CSMD1: variants seen among roughly 807,000 people sequenced by gnomAD.
CSMD1 encodes CUB and Sushi multiple domains 1.
CSMD1 carries 213 observed loss-of-function variants against 417.5 expected under a neutral mutation model. The observed-to-expected ratio is 0.51, with a 90% CI of 0.46 to 0.57. The LOEUF (loss-of-function observed/expected upper bound fraction) is 0.57, where lower values mean the gene tolerates loss of function less well. Among genes scored for constraint, CSMD1 ranks in the 20% least tolerant of loss-of-function variants. The probability of loss-of-function intolerance (pLI) is 0.00; values close to 1 mark genes in which losing one functional copy is unlikely to be tolerated. For missense variants in CSMD1, 6,923 were observed against 4,529.7 expected (o/e 1.53, Z -15.17); for synonymous variants, 2,862 against 1,736.8 (o/e 1.65, Z -16.11).
At chr8:3,753,834 A>C in intron 6 of CSMD1, 96 bp downstream of exon 6, 1 of 749,714 alleles carries the variant, frequency 1.3e-6, no homozygotes, top group East Asian at 2.8e-5. Flanking sequence ...ACCATTTTCA[A>C]GCTATTTATC....
chr8:4,574,770 A>G (rs1376379959), intron 2 of CSMD1, among the ~76,000 whole-genome samples: 2 of 152,204 alleles, frequency 1.3e-5, no homozygotes, highest in African/African-American at 4.8e-5. Context: ...AGCACAATGA[A>G]AGCAACACTC....
chr8:3,345,649 T>A (rs12546513), intron 22 of CSMD1, among the ~76,000 whole-genome samples: 1 of 152,060 alleles, frequency 6.6e-6, no homozygotes, highest in Non-Finnish European at 1.5e-5. Flanking sequence ...TTAGAGAAAG[T>A]CTTTGGGATT....
intron 5 of CSMD1, among the ~76,000 whole-genome samples, chr8:3,991,958 T>C (rs1046618469): frequency 4.9e-4 from 74 of 151,500 alleles, no homozygotes; most frequent in African/African-American, 1.7e-3. Flanking sequence ...CACTCGGTGA[T>C]TATTAAATGT....
intron 26 of CSMD1, among the ~76,000 whole-genome samples, chr8:3,252,648 C>T (rs932078517): frequency 6.6e-6 from 1 of 152,190 alleles, no homozygotes; most frequent in Non-Finnish European, 1.5e-5. Context: ...AGCAGTTCCT[C>T]CTTATACCTC....
At chr8:3,171,291 A>G (rs1295553568) in intron 37 of CSMD1, among the ~76,000 whole-genome samples, 3 of 152,250 alleles carry the variant, frequency 2.0e-5, no homozygotes, top group Admixed American at 6.5e-5. Flanking sequence ...AACAGGAAGT[A>G]AAGAATAGAC....
At position 3,848,335 on chromosome 8, in the gene CSMD1, G is replaced by A. The variant is rs981369994; in HGVS notation, c.819-94293C>T. On this transcript the variant is annotated intron_variant, in intron 5 of 69. Transcript: ENST00000635120. ...AACAGAGATCACCACATCAAAAGGA[G>A]CAATCTTATTAAAGAGAGTAACTAG... Among the ~76,000 whole-genome samples, 3 of 152,090 alleles carry A rather than the reference G, an allele frequency of 2.0e-5. No homozygotes were observed. The South Asian group carries it at 6.2e-4, about 32-fold the overall frequency.
intron 3 of CSMD1, among the ~76,000 whole-genome samples, chr8:4,098,259 C>A (rs1035943577): frequency 7.2e-5 from 11 of 152,120 alleles, no homozygotes; most frequent in African/African-American, 2.7e-4. Flanking sequence ...CAATGTACTT[C>A]AGATGTAATG....
intron 2 of CSMD1, among the ~76,000 whole-genome samples, chr8:4,475,515 AC>A (rs1410583039): frequency 6.6e-6 from 1 of 152,170 alleles, no homozygotes; most frequent in African/African-American, 2.4e-5. Context: ...AAAAACATGG[AC>A]TCAGAGATAA....
chr8:4,453,810 GTTTCT>G (rs1585102548), intron 2 of CSMD1, among the ~76,000 whole-genome samples: 7 of 93,016 alleles, frequency 7.5e-5, no homozygotes, highest in African/African-American at 7.8e-5. Context: ...TGCGCAATTC[GTTTCT>G]TTTTTTTTTT....
chr8:3,508,994 T>A (rs1796951333), intron 10 of CSMD1, among the ~76,000 whole-genome samples: 1 of 152,204 alleles, frequency 6.6e-6, no homozygotes, highest in Non-Finnish European at 1.5e-5. Context: ...AATATCTCAG[T>A]GCAAATCCCA....
In CSMD1 at chr8:4,419,917, AGTGAATGCATGT is replaced by A; in HGVS notation, c.415+24_415+35del. 3.8e-6 allele frequency: 5 copies of A among 1,303,996 alleles called. No individual in the cohort carries two copies. In the South Asian group the frequency reaches 6.3e-5, roughly 16 times the overall value. 80.8% of individuals were successfully genotyped at this position (1,303,996 alleles called of 1,614,324 possible). A position where few individuals can be genotyped will look rare whatever the true frequency, so the allele number is the denominator to read the frequency against. On this transcript the variant is annotated intron_variant, in intron 3 of 69. Transcript: ENST00000635120. ...GTAGCATGTATTAGATCATTTGGAC[AGTGAATGCATGT>A]GCAAAACACAACCAATCTCCTACCT...
In CSMD1 at chr8:3,933,015, C is replaced by A. The variant is rs1810259742; in HGVS notation, c.818+64888G>T. Among the ~76,000 whole-genome samples, 4 of 117,630 alleles carry A rather than the reference C, an allele frequency of 3.4e-5. 1 individual carries two copies. In the South Asian group the frequency reaches 1.2e-3, roughly 36 times the overall value. 77.2% of individuals were successfully genotyped at this position (117,630 alleles called of 152,430 possible). On this transcript the variant is annotated intron_variant, in intron 5 of 69. Coordinates refer to ENST00000635120, the MANE Select transcript of CSMD1 (RefSeq NM_033225.6). Reference sequence around the variant, plus strand: ...TTTTTAAATGTTTAACATTATAGAACAAGTGAAATGTATGATAAAAAAAAA... The same window carrying A: ...TTTTTAAATGTTTAACATTATAGAAAAAGTGAAATGTATGATAAAAAAAAA...
intron 3 of CSMD1, among the ~76,000 whole-genome samples, chr8:4,337,823 G>T (rs1034092292): frequency 1.3e-4 from 20 of 152,066 alleles, no homozygotes; most frequent in Admixed American, 1.3e-3. Flanking sequence ...AATAAATCAG[G>T]TAATTATAAA....
intron 42 of CSMD1, among the ~76,000 whole-genome samples, chr8:3,114,118 C>T (rs555878385): frequency 6.6e-6 from 1 of 152,208 alleles, no homozygotes; most frequent in Admixed American, 6.5e-5. Context: ...CGAGCACATG[C>T]CTGTGGTCCT....
rs185755682 is a variant in CSMD1, at chr8:3,251,947, G to A, written c.4154-21716C>T. On this transcript the variant is annotated intron_variant, in intron 26 of 69. Transcript: ENST00000635120. ...GAGACTTTGCTGAAGTTGCTTATCA[G>A]CTTAAGGATATTTTGGGCTGAGACA... Among the ~76,000 whole-genome samples, 125 of 152,272 alleles carry A rather than the reference G, an allele frequency of 8.2e-4. 1 individual carries two copies. Among genetic ancestry groups the A allele is most frequent in the Middle Eastern group, 3.4e-3 (1 of 294 alleles).
intron 3 of CSMD1, among the ~76,000 whole-genome samples, chr8:4,256,452 T>G (rs992788640): frequency 4.6e-5 from 7 of 152,166 alleles, no homozygotes; most frequent in Non-Finnish European, 1.0e-4. Context: ...AGAGGTGATA[T>G]AGAGACATGA....
At chr8:3,445,140 A>T (rs190723061) in intron 12 of CSMD1, among the ~76,000 whole-genome samples, 1 of 152,312 alleles carries the variant, frequency 6.6e-6, no homozygotes, top group Admixed American at 6.5e-5. Flanking sequence ...TATACTTACA[A>T]CCTACATCAA....
chr8:3,291,150 C>T (rs1008872582), intron 25 of CSMD1, among the ~76,000 whole-genome samples: 1 of 152,174 alleles, frequency 6.6e-6, no homozygotes, highest in Non-Finnish European at 1.5e-5. Context: ...TATGTTGAAG[C>T]AGCCTTGCAT....
At chr8:3,376,911 A>G (rs1380775207) in intron 18 of CSMD1, among the ~76,000 whole-genome samples, 11 of 152,232 alleles carry the variant, frequency 7.2e-5, no homozygotes, top group Admixed American at 7.2e-4. Context: ...TTGAAGGGTA[A>G]TGAGAACAAG....
Sources: gnomAD v4.1 joint callset for allele counts (sites outside exome capture counted in the v4.1 genomes callset) on GRCh38, gnomAD v4.1.1 for gene constraint, MANE v1.5 for transcripts, NCBI Gene and HGNC (gene_info 2026-07-23, HGNC 2026-07-21) for gene names.